The following ZC3H12B variants were observed in gnomAD, a reference collection of about 807,000 sequenced individuals.
The protein encoded by ZC3H12B is probable ribonuclease ZC3H12B.
In ZC3H12B, 7 loss-of-function variants were observed where a neutral mutation model predicts 43.9. That is an observed-to-expected ratio of 0.16 (90% CI 0.09 to 0.30). The LOEUF is 0.30. Among genes scored for constraint, ZC3H12B ranks in the 10% least tolerant of loss-of-function variants. The pLI, the probability that ZC3H12B is intolerant of heterozygous loss-of-function variation, is 1.00. For synonymous variants in ZC3H12B, 222 were observed against 241.7 expected (o/e 0.92, Z 0.76); for missense variants, 475 against 670.2 (o/e 0.71, Z 3.22).
the ZC3H12B span, among the ~76,000 whole-genome samples, chrX:65,178,039 A>T: frequency 8.9e-6 from 1 of 112,342 alleles, no homozygotes; most frequent in African/African-American, 3.2e-5. Flanking sequence ...TAACCAAAAC[A>T]GCATGGTACT....
chrX:65,043,550 T>C, the ZC3H12B span, among the ~76,000 whole-genome samples: 3 of 110,915 alleles, frequency 2.7e-5, no homozygotes, highest in Non-Finnish European at 5.7e-5. Flanking sequence ...TTCTAGTTTT[T>C]CCTAGATACT....
At chrX:65,493,812 A>G (rs1460553265) in intron 1 of ZC3H12B, among the ~76,000 whole-genome samples, 1 of 111,664 alleles carries the variant, frequency 9.0e-6, no homozygotes, top group Non-Finnish European at 1.9e-5. Flanking sequence ...GCAAAAGGAC[A>G]TTGTATGTGT....
At chrX:65,185,797 T>C in the ZC3H12B span, 3 of 111,249 alleles carry the variant, frequency 2.7e-5, no homozygotes, top group African/African-American at 9.8e-5. Flanking sequence ...TCAAGCAGAA[T>C]TAATAAAGTA....
chrX:65,483,843 A>G (rs1042619667), upstream of ZC3H12B, among the ~76,000 whole-genome samples: 11 of 112,086 alleles, frequency 9.8e-5, no homozygotes, highest in Admixed American at 7.6e-4. Context: ...ATAAGTGAGA[A>G]CATGCAGTAT....
At chrX:65,201,888 A>G in the ZC3H12B span, among the ~76,000 whole-genome samples, 1 of 105,768 alleles carries the variant, frequency 9.5e-6, no homozygotes, top group East Asian at 2.9e-4. Flanking sequence ...TGATGCTTTC[A>G]TAAGGGGCTT....
the ZC3H12B span, among the ~76,000 whole-genome samples, chrX:65,155,240 G>C: frequency 9.1e-6 from 1 of 110,455 alleles, no homozygotes; most frequent in Non-Finnish European, 1.9e-5. Context: ...TTACAGGCAT[G>C]ATCCACTGAG....
the ZC3H12B span, among the ~76,000 whole-genome samples, chrX:65,071,026 AT>A: frequency 9.4e-6 from 1 of 106,639 alleles, no homozygotes; most frequent in Non-Finnish European, 1.9e-5. Flanking sequence ...AACCTCAATG[AT>A]TTTTTTTCAT....
chrX:65,181,534 C>T, the ZC3H12B span, among the ~76,000 whole-genome samples: 2 of 111,080 alleles, frequency 1.8e-5, no homozygotes, highest in Non-Finnish European at 3.8e-5. Flanking sequence ...CCAGTATCTA[C>T]AATAATAGTA....
chrX:65,279,599 A>G, the ZC3H12B span, among the ~76,000 whole-genome samples: 1 of 111,502 alleles, frequency 9.0e-6, no homozygotes, highest in Admixed American at 9.6e-5. Flanking sequence ...TAAACGTAAA[A>G]CCCAAAACTA....
the ZC3H12B span, among the ~76,000 whole-genome samples, chrX:65,232,839 T>C: frequency 1.8e-5 from 2 of 111,287 alleles, no homozygotes; most frequent in Admixed American, 9.6e-5. Context: ...CTATATGCTG[T>C]CTAGAAGAAA....
the ZC3H12B span, among the ~76,000 whole-genome samples, chrX:65,157,050 AG>A: frequency 4.5e-5 from 5 of 111,116 alleles, no homozygotes; most frequent in African/African-American, 6.6e-5. Flanking sequence ...GCACAATCAC[AG>A]CTCACTGCAG....
chrX:65,116,130 AT>A, the ZC3H12B span, among the ~76,000 whole-genome samples: 14 of 111,052 alleles, frequency 1.3e-4, no homozygotes, highest in Non-Finnish European at 2.3e-4. Context: ...GCCTAAGCCG[AT>A]TTCCAGAAGG....
the ZC3H12B span, among the ~76,000 whole-genome samples, chrX:65,261,513 G>A: frequency 9.0e-6 from 1 of 111,100 alleles, no homozygotes; most frequent in Admixed American, 9.6e-5. Flanking sequence ...ATCTGAGGCA[G>A]TGTTTCCCAG....
At chrX:65,148,021 T>A in the ZC3H12B span, among the ~76,000 whole-genome samples, 2 of 109,634 alleles carry the variant, frequency 1.8e-5, no homozygotes, top group African/African-American at 6.7e-5. Flanking sequence ...TGGAGGCTGG[T>A]CAAGCACTGG....
the ZC3H12B span, among the ~76,000 whole-genome samples, chrX:65,347,652 T>A: frequency 8.9e-6 from 1 of 112,375 alleles, no homozygotes; most frequent in Non-Finnish European, 1.9e-5. Flanking sequence ...TGTAAACTAG[T>A]TCAACCATTG....
At chrX:65,454,343 G>A (rs891540301) in intron 3 of ZC3H12B, among the ~76,000 whole-genome samples, 3 of 112,491 alleles carry the variant, frequency 2.7e-5, no homozygotes, top group African/African-American at 9.7e-5. Context: ...TCCCACGCCT[G>A]GCTCGGAGGG....
the ZC3H12B span, among the ~76,000 whole-genome samples, chrX:65,243,978 G>T: frequency 1.8e-5 from 2 of 111,439 alleles, no homozygotes; most frequent in Admixed American, 9.5e-5. Flanking sequence ...GGAAATAGCA[G>T]CAGGAAGGAG....
the ZC3H12B span, among the ~76,000 whole-genome samples, chrX:65,177,430 C>T: frequency 9.0e-6 from 1 of 111,731 alleles, no homozygotes; most frequent in African/African-American, 3.3e-5. Flanking sequence ...CTGGCCAGGG[C>T]AATCAGGCAA....
intron 2 of ZC3H12B, among the ~76,000 whole-genome samples, chrX:65,389,605 C>A (rs183169223): frequency 8.9e-6 from 1 of 112,816 alleles, no homozygotes; most frequent in Non-Finnish European, 1.9e-5. Context: ...ATGCCTCGCC[C>A]TTCCGCTCAT....
Sources: allele counts gnomAD v4.1 joint callset (sites outside exome capture counted in the v4.1 genomes callset), GRCh38; gene constraint gnomAD v4.1.1; transcripts MANE v1.5; gene names NCBI Gene and HGNC (gene_info 2026-07-23, HGNC 2026-07-21).